Variants in MICU1 observed in about 807,000 individuals in gnomAD.
MICU1 encodes the protein calcium uptake protein 1, mitochondrial.
MICU1 carries 45 observed loss-of-function variants against 56.8 expected under a neutral mutation model. That is an observed-to-expected ratio of 0.79 (90% CI 0.62 to 1.02). The LOEUF is 1.02. MICU1 is among the 50% of genes least tolerant of loss of function. The probability of loss-of-function intolerance (pLI) is 0.00; values close to 1 mark genes in which losing one functional copy is unlikely to be tolerated. For synonymous variants in MICU1, 186 were observed against 195.1 expected, an observed-to-expected ratio of 0.95 and a Z score of 0.39; for missense variants, 504 against 587.1, an observed-to-expected ratio of 0.86 and a Z score of 1.46.
chr10:72,548,707 CTCTT>C (rs1230859976), intron 4 of MICU1, among the ~76,000 whole-genome samples: 3 of 152,172 alleles, frequency 2.0e-5, no homozygotes, highest in African/African-American at 7.2e-5. Flanking sequence ...ATCTCTCTCT[CTCTT>C]TCTGAGACAG....
chr10:72,580,004 C>T (rs1181787430), intron 1 of MICU1, among the ~76,000 whole-genome samples: 2 of 151,608 alleles, frequency 1.3e-5, no homozygotes, highest in Non-Finnish European at 2.9e-5. Context: ...CAACCTGTGT[C>T]ATCAATCTTT....
chr10:72,542,186 C>T (rs1839788928), intron 4 of MICU1, among the ~76,000 whole-genome samples: 1 of 152,142 alleles, frequency 6.6e-6, no homozygotes, highest in African/African-American at 2.4e-5. Flanking sequence ...TTGCAGATAA[C>T]TCTTTTTATG....
chr10:72,558,084 TAAC>T lies in MICU1; in HGVS notation c.330+4808_330+4810del, dbSNP rs1428842780. Among the ~76,000 whole-genome samples the T allele has an allele frequency of 9.2e-5, 14 of 152,108 alleles. No individual in the cohort carries two copies. The East Asian group carries it at 2.7e-3, about 29-fold the overall frequency. ...GGCAAAGCTATCAGAAATATAAAAATAACAAACCATATCTTTACTGAGCAAGAG... is the reference window on the plus strand; with the variant it reads ...GGCAAAGCTATCAGAAATATAAAAATAAACCATATCTTTACTGAGCAAGAG... On this transcript the variant is annotated intron_variant, in intron 3 of 11. Transcript: ENST00000361114.
intron 10 of MICU1, among the ~76,000 whole-genome samples, chr10:72,397,758 T>C (rs1013647889): frequency 3.3e-5 from 5 of 152,262 alleles, no homozygotes; most frequent in South Asian, 2.1e-4. Context: ...ATGCACCCAA[T>C]ACAGGAGCAC....
chr10:72,611,454 A>G (rs1841847207), intron 1 of MICU1, among the ~76,000 whole-genome samples: 1 of 151,784 alleles, frequency 6.6e-6, no homozygotes, highest in Admixed American at 6.6e-5. Flanking sequence ...TCTACTAAAA[A>G]TACAAAAATT....
At chr10:72,603,973 C>A (rs1187219950) in intron 1 of MICU1, among the ~76,000 whole-genome samples, 1 of 152,098 alleles carries the variant, frequency 6.6e-6, no homozygotes, top group Non-Finnish European at 1.5e-5. Flanking sequence ...GGCAGAAATT[C>A]AACACTCTGA....
At chr10:72,513,704 T>C (rs1056180163) in intron 5 of MICU1, among the ~76,000 whole-genome samples, 2 of 152,176 alleles carry the variant, frequency 1.3e-5, no homozygotes, top group African/African-American at 4.8e-5. Context: ...TATTGATCCA[T>C]TTTGAGTTAA....
chr10:72,584,282 G>A (rs923596042), intron 1 of MICU1, among the ~76,000 whole-genome samples: 2 of 152,008 alleles, frequency 1.3e-5, no homozygotes, highest in Non-Finnish European at 2.9e-5. Context: ...GGAAGAAGTA[G>A]TAAAGGGTGA....
At chr10:72,542,723 G>A (rs563293221) in intron 4 of MICU1, among the ~76,000 whole-genome samples, 15 of 152,328 alleles carry the variant, frequency 9.8e-5, no homozygotes, top group East Asian at 9.6e-4. Flanking sequence ...GCTGCCCTCC[G>A]CCAGCAAGGG....
At chr10:72,540,724 C>T (rs1019039042) in intron 4 of MICU1, among the ~76,000 whole-genome samples, 12 of 152,160 alleles carry the variant, frequency 7.9e-5, no homozygotes, top group Admixed American at 3.3e-4. Flanking sequence ...TTACTGATCT[C>T]AAATATTTAC....
intron 1 of MICU1, among the ~76,000 whole-genome samples, chr10:72,622,405 C>A (rs1842127346): frequency 6.6e-6 from 1 of 152,124 alleles, no homozygotes. Context: ...CCTTCCCACT[C>A]CAGGATAGGG....
intron 9 of MICU1, among the ~76,000 whole-genome samples, chr10:72,421,848 T>C (rs558399091): frequency 6.6e-5 from 10 of 152,348 alleles, no homozygotes; most frequent in Middle Eastern, 3.4e-3. Context: ...TGGCGTTCCA[T>C]TGCACTGTGA....
intron 10 of MICU1, among the ~76,000 whole-genome samples, chr10:72,405,396 T>C (rs1168873793): frequency 6.6e-6 from 1 of 151,930 alleles, no homozygotes. Flanking sequence ...ATTTTTTGTA[T>C]TTCTAGTAGA....
chr10:72,580,954 C>T (rs1564945756), intron 1 of MICU1, among the ~76,000 whole-genome samples: 1 of 152,034 alleles, frequency 6.6e-6, no homozygotes, highest in African/African-American at 2.4e-5. Flanking sequence ...CCACATTTAC[C>T]TTTGAAAACA....
At chr10:72,369,139 A>G (rs1483025607) in intron 11 of MICU1, among the ~76,000 whole-genome samples, 7 of 151,892 alleles carry the variant, frequency 4.6e-5, no homozygotes, top group Admixed American at 4.6e-4. Context: ...TTAACTGGGC[A>G]TGGTGGTGGA....
At chr10:72,387,388 T>C (rs1459760564) in intron 10 of MICU1, among the ~76,000 whole-genome samples, 1 of 152,194 alleles carries the variant, frequency 6.6e-6, no homozygotes, top group African/African-American at 2.4e-5. Flanking sequence ...CTAGAATTAA[T>C]TCATTTACAT....
intron 5 of MICU1, among the ~76,000 whole-genome samples, chr10:72,526,281 C>G (rs1867959322): frequency 1.3e-5 from 2 of 152,106 alleles, no homozygotes; most frequent in Non-Finnish European, 2.9e-5. Context: ...TTCCTCAATT[C>G]ACTTTTGCAA....
Position 72,458,038 on chromosome 10 carries a change from G to A in MICU1, c.933+17062C>T, listed in dbSNP as rs576855770. Reference sequence around the variant, plus strand: ...AAAAATTAGCCACGCGTGGTGGCACGTGCCTGTAATCCCAGCTACTCAGGA... The same window carrying A: ...AAAAATTAGCCACGCGTGGTGGCACATGCCTGTAATCCCAGCTACTCAGGA... On this transcript the variant is annotated intron_variant, in intron 8 of 11. Coordinates refer to ENST00000361114, the MANE Select transcript of MICU1 (RefSeq NM_001195518.2). Among the ~76,000 whole-genome samples the A allele has an allele frequency of 2.6e-5, 4 of 151,956 alleles. No homozygotes were observed. The East Asian group carries it at 7.7e-4, about 29-fold the overall frequency.
At chr10:72,537,636 C>G (rs572898818) in intron 4 of MICU1, among the ~76,000 whole-genome samples, 1 of 152,180 alleles carries the variant, frequency 6.6e-6, no homozygotes, top group East Asian at 1.9e-4. Context: ...AGCCAAGGCT[C>G]AGAAGGTTAA....
Sources: allele counts gnomAD v4.1 joint callset (sites outside exome capture counted in the v4.1 genomes callset), GRCh38; gene constraint gnomAD v4.1.1; transcripts MANE v1.5; gene names NCBI Gene and HGNC (gene_info 2026-07-23, HGNC 2026-07-21).